The following ZNF385B variants were observed in gnomAD, a reference collection of about 807,000 sequenced individuals.
The protein encoded by ZNF385B is zinc finger protein 385B, also known as zinc finger protein 533.
ZNF385B carries 23 observed loss-of-function variants against 39.2 expected under a neutral mutation model. The ratio of observed to expected loss-of-function variants is 0.59; its 90% CI spans 0.42 to 0.83. The LOEUF is 0.83. ZNF385B is among the 40% of genes least tolerant of loss of function. The pLI, the probability that ZNF385B is intolerant of heterozygous loss-of-function variation, is 0.00. For missense variants in ZNF385B, 552 were observed against 598.9 expected, an observed-to-expected ratio of 0.92 and a Z score of 0.82; for synonymous variants, 205 against 222.6, an observed-to-expected ratio of 0.92 and a Z score of 0.70.
In ZNF385B at chr2:179,518,536, T is replaced by C; in HGVS notation, c.544A>G (p.Asn182Asp). ...GAAAAGGTGATACTCACATCTGAGT[T>C]AAAGCGAAGCTGACAGACATTACAA... Reference protein sequence around the residue: ...ISCNVCQLRFNSDSQAEAHYK... With the variant: ...ISCNVCQLRFDSDSQAEAHYK... The change falls in exon 5 of 10, where the codon AAC becomes GAC. Residue 182 changes from asparagine (N) to aspartate (D), a missense_variant. By Grantham distance (23) the Asn-to-Asp change is conservative. Transcript: ENST00000410066. 6.2e-7 allele frequency: 1 copy of C among 1,601,166 alleles called. No homozygotes were observed. The highest frequency in any genetic ancestry group is 1.1e-5 in the South Asian group (1 of 89,058).
chr2:179,644,427 T>C (rs1692534727), intron 3 of ZNF385B, among the ~76,000 whole-genome samples: 2 of 152,176 alleles, frequency 1.3e-5, no homozygotes, highest in African/African-American at 4.8e-5. Flanking sequence ...ACAGCCACTG[T>C]ACAAAACATG....
rs764770018 is a variant in ZNF385B at position 179,444,954 on chromosome 2, T to C, written c.1164A>G (p.Lys388=). The C allele has an allele frequency of 6.2e-7, 1 of 1,614,166 alleles. No homozygotes were observed. The highest frequency in any genetic ancestry group is 8.5e-7 in the Non-Finnish European group (1 of 1,179,984). ...LKQHISSRRH[K]DRVAGKPLKP... ...TCAGTGGTTTCCCTGCAACTCGATCTTTATGCCTTCGGCTAGAAATGTGCT... is the reference window on the plus strand; with the variant it reads ...TCAGTGGTTTCCCTGCAACTCGATCCTTATGCCTTCGGCTAGAAATGTGCT... The change falls in exon 9 of 10, where the codon AAA becomes AAG. Residue 388 remains lysine (K), a synonymous_variant. Coordinates refer to ENST00000410066, the MANE Select transcript of ZNF385B (RefSeq NM_152520.6).
chr2:179,829,798 C>T (rs1472240620), intron 1 of ZNF385B, among the ~76,000 whole-genome samples: 2 of 152,202 alleles, frequency 1.3e-5, no homozygotes, highest in Non-Finnish European at 2.9e-5. Context: ...CAGGCGTGAC[C>T]CACCGCGCCC....
intron 6 of ZNF385B, among the ~76,000 whole-genome samples, chr2:179,457,007 G>A (rs2050778032): frequency 6.6e-6 from 1 of 151,758 alleles, no homozygotes; most frequent in Non-Finnish European, 1.5e-5. Context: ...TGATGATATA[G>A]AGTGTTTTCA....
chr2:179,484,357 T>C (rs2054333524), intron 5 of ZNF385B, among the ~76,000 whole-genome samples: 1 of 151,562 alleles, frequency 6.6e-6, no homozygotes, highest in East Asian at 1.9e-4. Context: ...AACATAAACA[T>C]GTATTTAGTG....
Position 179,449,672 on chromosome 2 carries a change from C to T in ZNF385B, c.716-2902G>A, listed in dbSNP as rs2049880883. On this transcript the variant is annotated intron_variant, in intron 6 of 9. Coordinates refer to ENST00000410066, the MANE Select transcript of ZNF385B (RefSeq NM_152520.6). ...AATCAATATCGTGAAAATGGCCATA[C>T]TGCCCAAGGTAATTTATAGATTCAA... Among the ~76,000 whole-genome samples, 9 of 152,244 alleles carry T rather than the reference C, an allele frequency of 5.9e-5. No homozygotes were observed. In the South Asian group the frequency reaches 1.9e-3, roughly 32 times the overall value.
chr2:179,548,516 A>G (rs1229779365), intron 3 of ZNF385B, among the ~76,000 whole-genome samples: 1 of 149,648 alleles, frequency 6.7e-6, no homozygotes. Flanking sequence ...TAGCATATTA[A>G]CAGAGTTGTT....
intron 5 of ZNF385B, among the ~76,000 whole-genome samples, chr2:179,507,645 G>A (rs2057348064): frequency 6.6e-6 from 1 of 152,106 alleles, no homozygotes; most frequent in South Asian, 2.1e-4. Flanking sequence ...TAGATAACCA[G>A]ATATAGGAGG....
chr2:179,485,553 T>C (rs1050296196), intron 5 of ZNF385B, among the ~76,000 whole-genome samples: 1 of 152,198 alleles, frequency 6.6e-6, no homozygotes, highest in Non-Finnish European at 1.5e-5. Flanking sequence ...TGGTGGGTGA[T>C]AGGCCTACTT....
At chr2:179,675,543 T>C (rs1174427332) in intron 3 of ZNF385B, among the ~76,000 whole-genome samples, 1 of 152,158 alleles carries the variant, frequency 6.6e-6, no homozygotes, top group African/African-American at 2.4e-5. Context: ...CATCGTCAAA[T>C]AAGAATACAC....
intron 3 of ZNF385B, among the ~76,000 whole-genome samples, chr2:179,741,520 T>C (rs1220641704): frequency 2.0e-5 from 3 of 152,096 alleles, no homozygotes; most frequent in Admixed American, 6.6e-5. Context: ...GGTTGCCCAA[T>C]ATCTAAGAGT....
intron 5 of ZNF385B, among the ~76,000 whole-genome samples, chr2:179,518,261 G>C (rs2058228366): frequency 6.6e-6 from 1 of 151,970 alleles, no homozygotes; most frequent in African/African-American, 2.4e-5. Flanking sequence ...TTTTATTGTT[G>C]TAATGTTATT....
At chr2:179,817,898 G>A (rs900113087) in intron 1 of ZNF385B, among the ~76,000 whole-genome samples, 14 of 152,156 alleles carry the variant, frequency 9.2e-5, no homozygotes, top group Non-Finnish European at 2.1e-4. Context: ...TGGAAAAGTG[G>A]GTAGAACACT....
chr2:179,589,133 T>G (rs1385348551), intron 3 of ZNF385B, among the ~76,000 whole-genome samples: 1 of 152,176 alleles, frequency 6.6e-6, no homozygotes, highest in African/African-American at 2.4e-5. Flanking sequence ...CCCAAGCACC[T>G]TGGGAAGAAT....
At chr2:179,699,438 G>T (rs1335364619) in intron 3 of ZNF385B, among the ~76,000 whole-genome samples, 1 of 152,134 alleles carries the variant, frequency 6.6e-6, no homozygotes, top group Non-Finnish European at 1.5e-5. Context: ...TTGAAATATT[G>T]CTGGCACTAG....
intron 1 of ZNF385B, among the ~76,000 whole-genome samples, chr2:179,850,601 G>A (rs1423029662): frequency 1.3e-5 from 2 of 152,162 alleles, no homozygotes; most frequent in Non-Finnish European, 2.9e-5. Flanking sequence ...ACCGGATGAG[G>A]AGGCACATGC....
chr2:179,745,133 G>A (rs1245126171), intron 3 of ZNF385B, among the ~76,000 whole-genome samples: 1 of 151,966 alleles, frequency 6.6e-6, no homozygotes, highest in Non-Finnish European at 1.5e-5. Context: ...ATTCTCATTC[G>A]GCACACAGTC....
intron 3 of ZNF385B, among the ~76,000 whole-genome samples, chr2:179,640,289 CA>C (rs1692148165): frequency 6.6e-6 from 1 of 152,120 alleles, no homozygotes; most frequent in Non-Finnish European, 1.5e-5. Context: ...ACTACTTTAT[CA>C]ATATTCCCAG....
intron 3 of ZNF385B, among the ~76,000 whole-genome samples, chr2:179,551,046 T>C (rs919133060): frequency 3.9e-5 from 6 of 152,098 alleles, no homozygotes; most frequent in Non-Finnish European, 8.8e-5. Flanking sequence ...CTTTGACTTT[T>C]GTATAAACTA....
Sources: gnomAD v4.1 joint callset for allele counts (sites outside exome capture counted in the v4.1 genomes callset) on GRCh38, gnomAD v4.1.1 for gene constraint, MANE v1.5 for transcripts, NCBI Gene and HGNC (gene_info 2026-07-23, HGNC 2026-07-21) for gene names.